The following KALRN variants were observed in gnomAD, a reference collection of about 807,000 sequenced individuals.
KALRN encodes the protein kalirin.
A neutral mutation model predicts 353.7 loss-of-function variants in KALRN; 70 were observed. The observed-to-expected ratio is 0.20, with a 90% CI of 0.16 to 0.24. The LOEUF is 0.24. Among genes scored for constraint, KALRN ranks in the 10% least tolerant of loss-of-function variants. KALRN has a pLI of 1.00. For synonymous variants in KALRN, 1,391 were observed against 1,434.8 expected (o/e 0.97, Z 0.69); for missense variants, 2,791 against 3,756.7 (o/e 0.74, Z 6.72).
In KALRN at chr3:124,395,356, A is replaced by C. The variant is rs1258010755; in HGVS notation, c.2171+13A>C. On this transcript the variant is annotated intron_variant, in intron 12 of 59. Coordinates refer to ENST00000682506, the MANE Select transcript of KALRN (RefSeq NM_001388419.1). ...CCAGCGAGGCCAGGTCAGCATGGGC[A>C]GAGCTTTCCAGTGGGAAATGCCTCG... is the stretch of plus-strand genomic sequence containing the variant. 18 of 1,601,992 alleles carry C rather than the reference A, an allele frequency of 1.1e-5. No individual in the cohort carries two copies. The highest frequency in any genetic ancestry group is 1.5e-5 in the Non-Finnish European group (18 of 1,173,402).
intron 1 of KALRN, among the ~76,000 whole-genome samples, chr3:124,186,372 C>T (rs1216891859): frequency 6.6e-6 from 1 of 152,086 alleles, no homozygotes; most frequent in East Asian, 1.9e-4. Context: ...CTCAGCATTC[C>T]CAAATGTAAA....
chr3:124,516,209 G>A (rs939684878), intron 33 of KALRN, among the ~76,000 whole-genome samples: 1 of 152,204 alleles, frequency 6.6e-6, no homozygotes, highest in Non-Finnish European at 1.5e-5. Flanking sequence ...ACATACAAAT[G>A]TACAAATATT....
intron 1 of KALRN, among the ~76,000 whole-genome samples, chr3:124,046,157 A>AT (rs952704362): frequency 7.2e-5 from 11 of 152,280 alleles, no homozygotes; most frequent in South Asian, 2.1e-4. Flanking sequence ...AGGTCCAGTG[A>AT]TTTTTTCTTT....
At chr3:124,210,837 A>T (rs2076839943) in intron 1 of KALRN, among the ~76,000 whole-genome samples, 1 of 152,244 alleles carries the variant, frequency 6.6e-6, no homozygotes, top group Non-Finnish European at 1.5e-5. Context: ...ACAAAGCTGG[A>T]AATTAATAGA....
chr3:124,196,337 A>G (rs539898002), intron 1 of KALRN, among the ~76,000 whole-genome samples: 29 of 152,278 alleles, frequency 1.9e-4, no homozygotes, highest in African/African-American at 7.0e-4. Flanking sequence ...CTGTTATTAC[A>G]GATAATATAA....
At chr3:124,422,678 A>G (rs2092834059) in intron 14 of KALRN, 134 bp from the exon 15 acceptor site, 1 of 692,796 alleles carries the variant, frequency 1.4e-6, no homozygotes, top group Non-Finnish European at 2.4e-6. Context: ...CCAGTTTCAC[A>G]GAGGAATATT....
intron 1 of KALRN, among the ~76,000 whole-genome samples, chr3:124,095,254 AAGG>A (rs1318309025): frequency 1.3e-5 from 2 of 152,142 alleles, no homozygotes; most frequent in Non-Finnish European, 2.9e-5. Context: ...AGCAGTGCAG[AAGG>A]AGAATGATTC....
intron 56 of KALRN, among the ~76,000 whole-genome samples, chr3:124,700,583 AT>A (rs1473684171): frequency 1.3e-5 from 2 of 152,214 alleles, no homozygotes; most frequent in African/African-American, 4.8e-5. Flanking sequence ...AAATATGAGT[AT>A]TTTACAAATA....
chr3:124,087,445 C>A (rs1182417730), intron 1 of KALRN, among the ~76,000 whole-genome samples: 1 of 152,150 alleles, frequency 6.6e-6, no homozygotes, highest in Non-Finnish European at 1.5e-5. Flanking sequence ...ACTAACCATG[C>A]TTTTTGTCTT....
At chr3:124,610,713 T>A (rs1228254545) in intron 34 of KALRN, among the ~76,000 whole-genome samples, 1 of 151,860 alleles carries the variant, frequency 6.6e-6, no homozygotes, top group Non-Finnish European at 1.5e-5. Flanking sequence ...AAAGACATGG[T>A]GAATACAATT....
intron 53 of KALRN, 119 bp downstream of exon 53, chr3:124,694,622 C>A: frequency 1.0e-6 from 1 of 965,784 alleles, no homozygotes; most frequent in East Asian, 2.5e-5. Context: ...AATAGCTGCC[C>A]TGGAGCCTGT....
chr3:124,679,465 A>T lies in KALRN; in HGVS notation c.7325A>T (p.Asn2442Ile), dbSNP rs754800493. Residue 2442 changes from asparagine to isoleucine, a missense_variant, in exon 51 of 60, where the codon AAC becomes ATC. Asn to Ile is a moderately radical substitution (Grantham distance 149). Transcript: ENST00000682506. ...LGNKVSVKET[N>I]SSEESECDDL... ...CTCATGCTGCCAATCAAGGAGACGA[A>T]CAGTTCCGAGGAATCAGAGTGTGAT... 7 of 1,613,650 alleles carry T rather than the reference A, an allele frequency of 4.3e-6. No homozygotes were observed. The highest frequency in any genetic ancestry group is 1.7e-4 in the Middle Eastern group (1 of 6,060).
At chr3:124,473,697 C>T (rs1240528130) in intron 25 of KALRN, among the ~76,000 whole-genome samples, 2 of 152,094 alleles carry the variant, frequency 1.3e-5, no homozygotes, top group African/African-American at 4.8e-5. Context: ...TAAACAGTGT[C>T]ACAGTTAATA....
Position 124,696,158 on chromosome 3 carries a change from G to T in KALRN, c.7602G>T (p.Lys2534Asn). The T allele has an allele frequency of 6.2e-7, 1 of 1,613,992 alleles. No homozygotes were observed. The highest frequency in any genetic ancestry group is 8.5e-7 in the Non-Finnish European group (1 of 1,179,876). The part of the protein sequence containing the change: ...SSCDSGEITL[K>N]ICNLMPQDSG... The stretch of plus-strand genomic sequence containing the variant: ...GTGATTCTGGAGAAATCACCCTGAA[G>T]ATCTGTAATCTGATGCCCCAAGACA... Residue 2534 changes from lysine (K) to asparagine (N), a missense_variant, in exon 54 of 60, where the codon AAG (lysine) becomes AAT (asparagine). This residue lies in a region of KALRN where 1,065 missense variants were observed against 1,156.4 expected (regional missense o/e 0.92). Coordinates refer to ENST00000682506, the MANE Select transcript of KALRN (RefSeq NM_001388419.1).
At chr3:124,703,424 C>T (rs571901826) in intron 57 of KALRN, among the ~76,000 whole-genome samples, 1 of 152,240 alleles carries the variant, frequency 6.6e-6, no homozygotes, top group East Asian at 1.9e-4. Context: ...TTGAGCTCTA[C>T]TGCTTAATAC....
intron 5 of KALRN, among the ~76,000 whole-genome samples, chr3:124,290,396 A>G (rs2076319951): frequency 6.6e-6 from 1 of 152,200 alleles, no homozygotes; most frequent in African/African-American, 2.4e-5. Flanking sequence ...GTGGGTGTCA[A>G]CTCAAGAAAG....
intron 6 of KALRN, among the ~76,000 whole-genome samples, chr3:124,313,282 C>A (rs2078468742): frequency 6.6e-6 from 1 of 152,160 alleles, no homozygotes; most frequent in African/African-American, 2.4e-5. Context: ...AAACCCCCAC[C>A]CCCTGACAAA....
intron 13 of KALRN, among the ~76,000 whole-genome samples, chr3:124,412,402 A>G (rs2092237792): frequency 1.3e-5 from 2 of 152,220 alleles, no homozygotes; most frequent in South Asian, 4.1e-4. Flanking sequence ...GTCTCCTGAG[A>G]AAAGAGGATG....
At chr3:124,294,133 A>C (rs1379328962) in intron 5 of KALRN, among the ~76,000 whole-genome samples, 1 of 152,056 alleles carries the variant, frequency 6.6e-6, no homozygotes, top group Non-Finnish European at 1.5e-5. Flanking sequence ...CCCCAGATAG[A>C]GTACCATCTG....
Sources: allele counts gnomAD v4.1 joint callset (sites outside exome capture counted in the v4.1 genomes callset), GRCh38; gene constraint gnomAD v4.1.1; regional missense constraint gnomAD v4.1.1; transcripts MANE v1.5; gene names NCBI Gene and HGNC (gene_info 2026-07-23, HGNC 2026-07-21).